NEDD4: variants seen among roughly 807,000 people sequenced by gnomAD.
The protein encoded by NEDD4 is NEDD4 E3 ubiquitin protein ligase, also known as E3 ubiquitin-protein ligase NEDD4.
NEDD4 carries 99 observed loss-of-function variants against 144.9 expected under a neutral mutation model. The ratio of observed to expected loss-of-function variants is 0.68; its 90% confidence interval spans 0.58 to 0.81. NEDD4 has a LOEUF of 0.81. Among genes scored for constraint, NEDD4 ranks in the 30% least tolerant of loss-of-function variants. NEDD4 has a pLI of 0.00. For synonymous variants in NEDD4, 318 were observed against 350.6 expected, an observed-to-expected ratio of 0.91 and a Z score of 1.04; for missense variants, 985 against 1,065.9, an observed-to-expected ratio of 0.92 and a Z score of 1.06.
chr15:55,984,657 A>G (rs2037860989), intron 1 of NEDD4, among the ~76,000 whole-genome samples: 1 of 152,226 alleles, frequency 6.6e-6, no homozygotes, highest in Non-Finnish European at 1.5e-5. Context: ...ATAATGGGCT[A>G]CAGACATATT....
intron 4 of NEDD4, among the ~76,000 whole-genome samples, chr15:55,940,474 G>GTCCTTCCTCCCTCTGTCCC: frequency 6.9e-6 from 1 of 145,710 alleles, no homozygotes; most frequent in Non-Finnish European, 1.5e-5. Context: ...TTCCAAAGTA[G>GTCCTTCCTCCCTCTGTCCC]TCCTTCCTCC....
intron 1 of NEDD4, among the ~76,000 whole-genome samples, chr15:55,983,501 G>C (rs755822161): frequency 0.062 from 9,383 of 151,894 alleles, 376 homozygotes; most frequent in East Asian, 0.16. Flanking sequence ...TACTCAATGG[G>C]GTTCTATTGC....
intron 27 of NEDD4, among the ~76,000 whole-genome samples, chr15:55,830,861 G>A (rs1442344542): frequency 2.6e-5 from 4 of 152,054 alleles, no homozygotes; most frequent in South Asian, 2.1e-4. Flanking sequence ...CACCACGCCT[G>A]GCTAACTGTT....
chr15:55,930,437 C>T (rs1179173450), intron 4 of NEDD4, among the ~76,000 whole-genome samples: 1 of 152,180 alleles, frequency 6.6e-6, no homozygotes, highest in Non-Finnish European at 1.5e-5. Context: ...CTGTGGTTCA[C>T]ATGAGGAATT....
At chr15:55,979,583 G>A (rs971704682) in intron 1 of NEDD4, among the ~76,000 whole-genome samples, 1 of 151,612 alleles carries the variant, frequency 6.6e-6, no homozygotes, top group Non-Finnish European at 1.5e-5. Flanking sequence ...TCGATCTCCT[G>A]ACCTCATGAT....
intron 1 of NEDD4, among the ~76,000 whole-genome samples, chr15:55,984,794 T>G (rs913693036): frequency 6.6e-6 from 1 of 152,222 alleles, no homozygotes; most frequent in Non-Finnish European, 1.5e-5. Flanking sequence ...TTGATACTAT[T>G]GGCAAGGAGG....
intron 5 of NEDD4, among the ~76,000 whole-genome samples, chr15:55,894,092 G>A (rs2035660467): frequency 6.6e-6 from 1 of 151,990 alleles, no homozygotes; most frequent in Non-Finnish European, 1.5e-5. Flanking sequence ...GGATATCTTT[G>A]CATAAAGCAA....
chr15:55,921,325 CT>C lies in NEDD4; in HGVS notation c.291+3320del, dbSNP rs544704197. On this transcript the variant is annotated intron_variant, in intron 5 of 28. Coordinates refer to ENST00000435532, the MANE Select transcript of NEDD4 (RefSeq NM_006154.4). The stretch of plus-strand genomic sequence containing the variant: ...TCCTTAGTGTGGGGATCTATAATAA[CT>C]TTTTTTTTTTTTCGCCGAGACGGAG... Among the ~76,000 whole-genome samples the C allele has an allele frequency of 4.2e-3, 613 of 145,020 alleles. 3 individuals are homozygous for C. The highest frequency in any genetic ancestry group is 0.013 in the South Asian group (61 of 4,572).
At chr15:55,960,868 C>G (rs1177103961) in intron 2 of NEDD4, among the ~76,000 whole-genome samples, 1 of 152,198 alleles carries the variant, frequency 6.6e-6, no homozygotes, top group Admixed American at 6.5e-5. Flanking sequence ...CTGTTCCCCA[C>G]CCACTAGTTG....
chr15:55,900,207 A>G (rs965812927), intron 5 of NEDD4, among the ~76,000 whole-genome samples: 2 of 152,176 alleles, frequency 1.3e-5, no homozygotes, highest in Admixed American at 1.3e-4. Flanking sequence ...GCAGGACTCC[A>G]AGGTGACAAC....
At chr15:55,918,825 C>A (rs1222287269) in intron 5 of NEDD4, among the ~76,000 whole-genome samples, 1 of 152,112 alleles carries the variant, frequency 6.6e-6, no homozygotes, top group African/African-American at 2.4e-5. Context: ...AGTCAATATT[C>A]TCTTAACATC....
chr15:55,925,680 G>A (rs2036648496), intron 4 of NEDD4, among the ~76,000 whole-genome samples: 1 of 152,050 alleles, frequency 6.6e-6, no homozygotes, highest in Admixed American at 6.5e-5. Context: ...CAAAACTATT[G>A]ATAGAAAAAA....
intron 15 of NEDD4, 57 bp downstream of exon 15, chr15:55,848,749 A>C: frequency 1.3e-6 from 2 of 1,509,628 alleles, no homozygotes; most frequent in South Asian, 2.3e-5. Context: ...CTATACCCGA[A>C]AATGCAAAAT....
Position 55,960,609 on chromosome 15 carries a change from T to C in NEDD4, c.119+5864A>G, listed in dbSNP as rs560271746. 2.0e-5 allele frequency among the ~76,000 whole-genome samples: 3 copies of C among 152,296 alleles called. No individual in the cohort carries two copies. In the South Asian group the frequency reaches 6.2e-4, roughly 32 times the overall value. On this transcript the variant is annotated intron_variant, in intron 2 of 28. Transcript: ENST00000435532. ...TCCGCAGCTTGCAGATGGCCAATAG[T>C]GGGACATCACTTTGTGATCATGTGA... is the stretch of plus-strand genomic sequence containing the variant.
At chr15:55,949,840 T>C (rs1348289674) in intron 4 of NEDD4, among the ~76,000 whole-genome samples, 2 of 152,002 alleles carry the variant, frequency 1.3e-5, no homozygotes, top group African/African-American at 4.8e-5. Context: ...TTAGGAGATA[T>C]ACCTAATGTA....
chr15:55,985,770 C>T (rs962656119), intron 1 of NEDD4, among the ~76,000 whole-genome samples: 10 of 151,784 alleles, frequency 6.6e-5, no homozygotes, highest in Non-Finnish European at 1.2e-4. Context: ...TACACACACA[C>T]ACACACACAC....
intron 1 of NEDD4, among the ~76,000 whole-genome samples, chr15:55,979,320 A>G (rs1383140930): frequency 1.3e-5 from 2 of 150,380 alleles, no homozygotes; most frequent in African/African-American, 4.9e-5. Context: ...AAGTAATAAG[A>G]TCATGAAAGT....
intron 4 of NEDD4, among the ~76,000 whole-genome samples, chr15:55,929,706 T>C (rs777141100): frequency 5.3e-5 from 8 of 152,314 alleles, no homozygotes; most frequent in Non-Finnish European, 8.8e-5. Flanking sequence ...CAGATGATTT[T>C]TCTGTTTTAT....
At chr15:55,892,159 G>A (rs950450793) in intron 5 of NEDD4, among the ~76,000 whole-genome samples, 6 of 151,744 alleles carry the variant, frequency 4.0e-5, no homozygotes, top group African/African-American at 4.8e-5. Flanking sequence ...CCAGCTACTC[G>A]TGAGGCAGAG....
Sources: gnomAD v4.1 joint callset for allele counts (sites outside exome capture counted in the v4.1 genomes callset) on GRCh38, gnomAD v4.1.1 for gene constraint, MANE v1.5 for transcripts, NCBI Gene and HGNC (gene_info 2026-07-23, HGNC 2026-07-21) for gene names.